Variants in CLPX observed in about 807,000 individuals in gnomAD.
CLPX encodes the protein ATP-dependent clpX-like chaperone, mitochondrial.
Under a neutral mutation model 76.4 loss-of-function variants are expected in CLPX, and 34 were observed. The ratio of observed to expected loss-of-function variants is 0.45; its 90% CI spans 0.34 to 0.59. CLPX has a LOEUF of 0.59. CLPX is among the 20% of genes least tolerant of loss of function. CLPX has a pLI of 0.01. For synonymous variants in CLPX, 248 were observed against 270.9 expected (o/e 0.92, Z 0.83); for missense variants, 613 against 757.0 (o/e 0.81, Z 2.23).
intron 3 of CLPX, among the ~76,000 whole-genome samples, chr15:65,171,028 G>A (rs549338752): frequency 1.3e-5 from 2 of 151,576 alleles, no homozygotes; most frequent in African/African-American, 4.8e-5. Context: ...TCACCATGTT[G>A]GCCAGGATGG....
At position 65,180,031 on chromosome 15, in the gene CLPX, A is replaced by G; in HGVS notation, c.240+13T>C. The G allele has an allele frequency of 6.3e-7, 1 of 1,587,656 alleles. No homozygotes were observed. Among genetic ancestry groups the G allele is most frequent in the Non-Finnish European group, 8.6e-7 (1 of 1,163,944 alleles). On this transcript the variant is annotated intron_variant, in intron 2 of 13. Transcript: ENST00000300107. ...CACAATGTGTACAGATGCCAATAAGATAAAATAATTACCTTATTTCCATCT... is the reference window on the plus strand; with the variant it reads ...CACAATGTGTACAGATGCCAATAAGGTAAAATAATTACCTTATTTCCATCT...
At chr15:65,154,004 A>G (rs1166518553) in intron 11 of CLPX, among the ~76,000 whole-genome samples, 2 of 152,218 alleles carry the variant, frequency 1.3e-5, no homozygotes, top group Non-Finnish European at 1.5e-5. Context: ...GTGTATGTAC[A>G]TGGAGCTAAG....
intron 5 of CLPX, 28 bp from the exon 6 acceptor site, chr15:65,162,673 A>C: frequency 7.1e-7 from 1 of 1,401,296 alleles, no homozygotes; most frequent in Non-Finnish European, 1.0e-6. Flanking sequence ...AATATTACAT[A>C]TTTGTTTACC....
intron 6 of CLPX, among the ~76,000 whole-genome samples, chr15:65,161,178 A>G (rs2087852279): frequency 6.6e-6 from 1 of 152,206 alleles, no homozygotes; most frequent in Admixed American, 6.5e-5. Flanking sequence ...TTCACACAAC[A>G]CAGCCCTTAA....
rs147994448 is a variant in CLPX at position 65,163,589 on chromosome 15, T to C, written c.673+440A>G. On this transcript the variant is annotated intron_variant, in intron 5 of 13. Transcript: ENST00000300107. Reference sequence around the variant, plus strand: ...TTCTATTAATATACATTATTGTCCATAGTAAATTGAGATTATACAGTATAC... The same window carrying C: ...TTCTATTAATATACATTATTGTCCACAGTAAATTGAGATTATACAGTATAC... 2.8e-3 allele frequency among the ~76,000 whole-genome samples: 419 copies of C among 152,292 alleles called. 2 individuals carry two copies. Among genetic ancestry groups the C allele is most frequent in the African/African-American group, 9.6e-3 (400 of 41,568 alleles).
chr15:65,164,071 G>C lies in CLPX; in HGVS notation c.631C>G (p.Gln211Glu). Residue 211 changes from glutamine (Q) to glutamate (E), a missense_variant, in exon 5 of 14, where the codon CAG becomes GAG. Transcript: ENST00000300107. ...IYNNIPANLR[Q>E]QAEVEKQTSL... ...GTCTGCTTCTCAACCTCTGCTTGCT[G>C]TCTCAGATTAGCTGGGATATTATTA... 2 of 1,613,522 alleles carry C rather than the reference G, an allele frequency of 1.2e-6. No homozygotes were observed. The highest frequency in any genetic ancestry group is 1.7e-6 in the Non-Finnish European group (2 of 1,179,804).
chr15:65,155,608 T>C (rs2140614375), intron 10 of CLPX, 84 bp downstream of exon 10: 3 of 1,132,360 alleles, frequency 2.6e-6, no homozygotes, highest in Non-Finnish European at 3.9e-6. Flanking sequence ...CTATGACTGG[T>C]AGCCCGCAGA....
Position 65,150,598 on chromosome 15 carries a change from C to T in CLPX, c.*225G>A, listed in dbSNP as rs773799392. 29 of 341,970 alleles carry T rather than the reference C, an allele frequency of 8.5e-5. No individual in the cohort carries two copies. Among genetic ancestry groups the T allele is most frequent in the Non-Finnish European group, 1.3e-4 (25 of 191,374 alleles). 21.2% of individuals were successfully genotyped at this position (341,970 alleles called of 1,614,324 possible). On this transcript the variant is annotated 3_prime_UTR_variant, in exon 14 of 14. Coordinates refer to ENST00000300107, the MANE Select transcript of CLPX (RefSeq NM_006660.5). Reference sequence around the variant, plus strand: ...TAAAAAACTGAACCAAAATAATGTACATTTTATCTCTAAACATTGTGTCAT... The same window carrying T: ...TAAAAAACTGAACCAAAATAATGTATATTTTATCTCTAAACATTGTGTCAT...
In CLPX at chr15:65,148,232, T is replaced by G. The variant is rs1351931900; in HGVS notation, c.*2591A>C. 6.6e-6 allele frequency: 1 copy of G among 152,248 alleles called. No individual in the cohort carries two copies. Among genetic ancestry groups the G allele is most frequent in the African/African-American group, 2.4e-5 (1 of 41,466 alleles). The allele number at this position is 152,248 out of a possible 1,614,324, so 9.4% of individuals were successfully genotyped here. ...CACCACGTTGGCTTTCATTTAGTCT[T>G]TTTGTTTTATTCAAATGTCAAAATG... is the stretch of plus-strand genomic sequence containing the variant. On this transcript the variant is annotated 3_prime_UTR_variant, in exon 14 of 14. Coordinates refer to ENST00000300107, the MANE Select transcript of CLPX (RefSeq NM_006660.5).
intron 12 of CLPX, among the ~76,000 whole-genome samples, chr15:65,152,898 C>CTTTT (rs1056417455): frequency 4.0e-5 from 6 of 149,280 alleles, no homozygotes; most frequent in African/African-American, 1.5e-4. Flanking sequence ...TGCCCAGCCT[C>CTTTT]TTTTTTTTTG....
intron 3 of CLPX, among the ~76,000 whole-genome samples, chr15:65,169,758 CTTT>C (rs1204212863): frequency 3.5e-5 from 5 of 143,072 alleles, no homozygotes; most frequent in Non-Finnish European, 4.6e-5. Context: ...GATATATTTA[CTTT>C]TTTTTTTTTT....
chr15:65,185,031 C>CG (rs747600520), intron 1 of CLPX, 44 bp downstream of exon 1: 1 of 1,505,722 alleles, frequency 6.6e-7, no homozygotes, highest in Middle Eastern at 1.7e-4. Flanking sequence ...AGTCCACCCC[C>CG]CCCCCGACAG....
At chr15:65,162,576 T>C (rs1244180004) in intron 6 of CLPX, 28 bp downstream of exon 6, 1 of 1,496,902 alleles carries the variant, frequency 6.7e-7, no homozygotes, top group Admixed American at 1.7e-5. Flanking sequence ...GGAAGAATGA[T>C]TACAGAGGAG....
At chr15:65,155,185 G>A in intron 10 of CLPX, 104 bp from the exon 11 acceptor site, 2 of 1,015,798 alleles carry the variant, frequency 2.0e-6, no homozygotes, top group African/African-American at 3.3e-5. Context: ...ACTCTATGAA[G>A]AAGGTTTTAT....
Position 65,155,866 on chromosome 15 carries a change from G to C in CLPX, c.1147-10C>G. The C allele has an allele frequency of 6.2e-7, 1 of 1,602,458 alleles. No individual in the cohort carries two copies. Among genetic ancestry groups the C allele is most frequent in the East Asian group, 2.2e-5 (1 of 44,774 alleles). The stretch of plus-strand genomic sequence containing the variant: ...GTAGTTTTAATAAGCCCTAAATAAA[G>C]AACAAATGATTTATAGCATCACCAT... On this transcript the variant is annotated splice_polypyrimidine_tract_variant and intron_variant, in intron 9 of 13. Coordinates refer to ENST00000300107, the MANE Select transcript of CLPX (RefSeq NM_006660.5).
chr15:65,159,696 G>A lies in CLPX; in HGVS notation c.716-945C>T, dbSNP rs969554026. 5.9e-5 allele frequency among the ~76,000 whole-genome samples: 9 copies of A among 152,054 alleles called. 1 individual carries two copies. Among genetic ancestry groups the A allele is most frequent in the Admixed American group, 5.9e-4 (9 of 15,260 alleles). ...TATTCTCACTTTCTCTTGGCTGAAG[G>A]AAAGATTATCCAGATTTGTAAATAT... On this transcript the variant is annotated intron_variant, in intron 6 of 13. Transcript: ENST00000300107.
intron 10 of CLPX, 138 bp downstream of exon 10, chr15:65,155,554 T>C: frequency 1.4e-6 from 1 of 727,816 alleles, no homozygotes; most frequent in Non-Finnish European, 2.3e-6. Flanking sequence ...CTTCCCTGTA[T>C]ATTTCTGATA....
At chr15:65,161,119 T>A (rs2087851638) in intron 6 of CLPX, among the ~76,000 whole-genome samples, 1 of 152,328 alleles carries the variant, frequency 6.6e-6, no homozygotes, top group East Asian at 1.9e-4. Context: ...TTTATAAGTG[T>A]TACAGAAGAA....
At chr15:65,163,372 A>T (rs1444287034) in intron 5 of CLPX, among the ~76,000 whole-genome samples, 1 of 152,182 alleles carries the variant, frequency 6.6e-6, no homozygotes, top group Non-Finnish European at 1.5e-5. Flanking sequence ...GTTGCTACTA[A>T]AGGCAATCAA....
Sources: allele counts gnomAD v4.1 joint callset (sites outside exome capture counted in the v4.1 genomes callset), GRCh38; gene constraint gnomAD v4.1.1; transcripts MANE v1.5; gene names NCBI Gene and HGNC (gene_info 2026-07-23, HGNC 2026-07-21).